UGT2B15: variants seen among roughly 807,000 people sequenced by gnomAD.
The protein encoded by UGT2B15 is UDP glucuronosyltransferase family 2 member B15, also known as UDP-glucuronosyltransferase 2B15.
In UGT2B15, 36 loss-of-function variants were observed where a neutral mutation model predicts 45.9. That is an observed-to-expected ratio of 0.78 (90% CI 0.60 to 1.04). UGT2B15 has a LOEUF of 1.04. UGT2B15 is among the 50% of genes least tolerant of loss of function. UGT2B15 has a pLI of 0.00. For synonymous variants in UGT2B15, 219 were observed against 216.4 expected (o/e 1.01, Z -0.11); for missense variants, 617 against 622.4 (o/e 0.99, Z 0.09).
chr4:68,648,190 TC>T (rs1414478991), intron 5 of UGT2B15, among the ~76,000 whole-genome samples: 1 of 152,106 alleles, frequency 6.6e-6, no homozygotes, highest in Non-Finnish European at 1.5e-5. Context: ...AAGATTTCCA[TC>T]TGGTTTCTTG....
At chr4:68,651,800 T>C (rs1449928738) in intron 5 of UGT2B15, among the ~76,000 whole-genome samples, 1 of 152,120 alleles carries the variant, frequency 6.6e-6, no homozygotes, top group East Asian at 1.9e-4. Flanking sequence ...TGAAGTCAGG[T>C]AGCATGATGC....
chr4:68,660,733 A>G (rs1732939604), intron 3 of UGT2B15, among the ~76,000 whole-genome samples: 1 of 151,938 alleles, frequency 6.6e-6, no homozygotes, highest in Non-Finnish European at 1.5e-5. Flanking sequence ...CGTCTTCAAA[A>G]TAGTGTCTTC....
chr4:68,667,980 CAT>C (rs1376057922), intron 2 of UGT2B15, 58 bp downstream of exon 2: 2 of 1,589,976 alleles, frequency 1.3e-6, no homozygotes, highest in African/African-American at 2.7e-5. Context: ...CTGAAAGAAA[CAT>C]ATCCAGCCAT....
At chr4:68,653,517 A>G in intron 5 of UGT2B15, among the ~76,000 whole-genome samples, 1 of 151,996 alleles carries the variant, frequency 6.6e-6, no homozygotes. Context: ...TTATGAGTTT[A>G]ATTTGAATTC....
At chr4:68,664,266 C>CAAAAA (rs151053424) in intron 2 of UGT2B15, among the ~76,000 whole-genome samples, 1 of 142,890 alleles carries the variant, frequency 7.0e-6, no homozygotes. Flanking sequence ...ATTCTCACAC[C>CAAAAA]AAAAAAAAAA....
Position 68,670,337 on chromosome 4 carries a change from G to T in UGT2B15, c.282C>A (p.Leu94=), listed in dbSNP as rs760950687. ...TTGAAACACCATATATCCATCTATC[G>T]AGAATTTTCAGAAGAGAATCTTCCA... The part of the protein sequence containing the change: ...NYLEDSLLKI[L]DRWIYGVSKN... The change falls in exon 1 of 6, where the codon CTC becomes CTA. Residue 94 remains leucine, a synonymous_variant. Transcript: ENST00000338206. 2 of 1,613,538 alleles carry T rather than the reference G, an allele frequency of 1.2e-6. No homozygotes were observed. Among genetic ancestry groups the T allele is most frequent in the South Asian group, 1.1e-5 (1 of 90,912 alleles).
chr4:68,649,392 C>A (rs1421225225), intron 5 of UGT2B15, among the ~76,000 whole-genome samples: 1 of 146,330 alleles, frequency 6.8e-6, no homozygotes, highest in East Asian at 2.1e-4. Flanking sequence ...GATTCTCATG[C>A]CTCAATCTCC....
Position 68,654,250 on chromosome 4 carries a change from G to A in UGT2B15, c.1100C>T (p.Pro367Leu), listed in dbSNP as rs781349863. 1 of 1,612,976 alleles carries A rather than the reference G, an allele frequency of 6.2e-7. No individual in the cohort carries two copies. Among genetic ancestry groups the A allele is most frequent in the East Asian group, 2.2e-5 (1 of 44,870 alleles). The change falls in exon 5 of 6, where the codon CCC (proline) becomes CTC (leucine). Residue 367 changes from proline to leucine, a missense_variant. Coordinates refer to ENST00000338206, the MANE Select transcript of UGT2B15 (RefSeq NM_001076.4). ...WLPQNDLLGH[P>L]KTKAFITHGG... ...ATGAGTTATAAAAGCTTTGGTTTTG[G>A]GATGACCTAAAAGTGGATGCATTTT... is the stretch of plus-strand genomic sequence containing the variant.
At chr4:68,664,725 C>T (rs1484482616) in intron 2 of UGT2B15, among the ~76,000 whole-genome samples, 1 of 151,984 alleles carries the variant, frequency 6.6e-6, no homozygotes, top group South Asian at 2.1e-4. Context: ...TGCCACCACG[C>T]CTGGCTAATT....
rs1327744160 is a variant in UGT2B15 at position 68,670,283 on chromosome 4, T to C, written c.336A>G (p.Gln112=). The C allele has an allele frequency of 2.5e-6, 4 of 1,614,090 alleles. No individual in the cohort carries two copies. The highest frequency in any genetic ancestry group is 1.7e-4 in the Middle Eastern group (1 of 6,060). ...AATATTCCCAACACAATTCTTGTAA[T>C]TGTGAAAAATATGACCAAAATGTAT... ...SKNTFWSYFS[Q]LQELCWEYYD... is the part of the protein sequence containing the mutation. The change falls in exon 1 of 6, where the codon CAA becomes CAG. Residue 112 remains glutamine, a synonymous_variant. Coordinates refer to ENST00000338206, the MANE Select transcript of UGT2B15 (RefSeq NM_001076.4).
At chr4:68,662,704 CAG>C (rs1383430194) in intron 3 of UGT2B15, among the ~76,000 whole-genome samples, 1 of 151,336 alleles carries the variant, frequency 6.6e-6, no homozygotes, top group African/African-American at 2.4e-5. Flanking sequence ...GAGCAAATGA[CAG>C]GGCAGAATTT....
intron 3 of UGT2B15, among the ~76,000 whole-genome samples, chr4:68,657,178 G>A (rs917333388): frequency 6.6e-6 from 1 of 152,156 alleles, no homozygotes; most frequent in Non-Finnish European, 1.5e-5. Flanking sequence ...AAGTGAAAGG[G>A]CATCTGCTCC....
chr4:68,647,702 C>CT (rs1732523384), intron 5 of UGT2B15, among the ~76,000 whole-genome samples: 1 of 151,952 alleles, frequency 6.6e-6, no homozygotes. Context: ...TGAGAATGAT[C>CT]TTTTTGATCT....
chr4:68,664,963 T>G (rs910730698), intron 2 of UGT2B15, among the ~76,000 whole-genome samples: 1 of 152,192 alleles, frequency 6.6e-6, no homozygotes, highest in South Asian at 2.1e-4. Context: ...TAGCCACATT[T>G]AATGTAACTT....
intron 2 of UGT2B15, among the ~76,000 whole-genome samples, chr4:68,667,142 G>A (rs553467921): frequency 1.3e-5 from 2 of 151,384 alleles, no homozygotes; most frequent in East Asian, 1.9e-4. Context: ...CTTAATGCAA[G>A]CCTTTACTTT....
chr4:68,647,178 A>G lies in UGT2B15; in HGVS notation c.1519T>C (p.Phe507Leu). 1 of 1,613,972 alleles carries G rather than the reference A, an allele frequency of 6.2e-7. No homozygotes were observed. Among genetic ancestry groups the G allele is most frequent in the Non-Finnish European group, 8.5e-7 (1 of 1,179,930 alleles). ...AACAGGCAAAATTTTGTGATGATAA[A>G]TATCACAGTTGCCACGCAGGCCAGC... is the stretch of plus-strand genomic sequence containing the variant. ...FLLACVATVIFIITKFCLFCF... is the reference protein window; with the variant it reads ...FLLACVATVILIITKFCLFCF... The change falls in exon 6 of 6, where the codon TTT becomes CTT. Residue 507 changes from phenylalanine to leucine, a missense_variant. By Grantham distance (22) the Phe-to-Leu change is conservative (BLOSUM62 0). Around this residue, in one of 3 missense-constraint regions of UGT2B15, gnomAD observed 265 missense variants for 245.1 expected, o/e 1.08. Coordinates refer to ENST00000338206, the MANE Select transcript of UGT2B15 (RefSeq NM_001076.4).
chr4:68,669,270 A>T (rs1038466080), intron 1 of UGT2B15, among the ~76,000 whole-genome samples: 2 of 152,168 alleles, frequency 1.3e-5, no homozygotes, highest in Non-Finnish European at 2.9e-5. Flanking sequence ...AATAAAATAT[A>T]GATTAAAACT....
intron 5 of UGT2B15, among the ~76,000 whole-genome samples, chr4:68,649,302 A>T (rs1475352391): frequency 9.8e-6 from 1 of 101,876 alleles, no homozygotes; most frequent in African/African-American, 4.3e-5. Flanking sequence ...TTTTTTTGAG[A>T]CAGAGTCTCT....
rs1733206443 is a variant in UGT2B15 at position 68,668,420 on chromosome 4, G to A, written c.725-232C>T. Among the ~76,000 whole-genome samples, 5 of 152,082 alleles carry A rather than the reference G, an allele frequency of 3.3e-5. No individual in the cohort carries two copies. The South Asian group carries it at 1.0e-3, about 32-fold the overall frequency. On this transcript the variant is annotated intron_variant, in intron 1 of 5. Coordinates refer to ENST00000338206, the MANE Select transcript of UGT2B15 (RefSeq NM_001076.4). Reference sequence around the variant, plus strand: ...AGGAAGGCAATGTATTCAGAGATCTGTAAGAAGAAATCACATCTTTAATGT... The same window carrying A: ...AGGAAGGCAATGTATTCAGAGATCTATAAGAAGAAATCACATCTTTAATGT...
Sources: allele counts gnomAD v4.1 joint callset (sites outside exome capture counted in the v4.1 genomes callset), GRCh38; gene constraint gnomAD v4.1.1; regional missense constraint gnomAD v4.1.1; transcripts MANE v1.5; gene names NCBI Gene and HGNC (gene_info 2026-07-23, HGNC 2026-07-21).